SPART: variants seen among roughly 807,000 people sequenced by gnomAD.
The protein encoded by SPART is spartin.
Under a neutral mutation model 58.7 loss-of-function variants are expected in SPART, and 35 were observed. That is an observed-to-expected ratio of 0.60 (90% CI 0.46 to 0.79). The LOEUF (loss-of-function observed/expected upper bound fraction) is 0.79. Among genes scored for constraint, SPART ranks in the 30% least tolerant of loss-of-function variants. The pLI is 0.00. For synonymous variants in SPART, 284 were observed against 280.7 expected (o/e 1.01, Z -0.12); for missense variants, 730 against 786.1 (o/e 0.93, Z 0.85).
chr13:36,358,776 C>T (rs1191377270), intron 1 of SPART, among the ~76,000 whole-genome samples: 1 of 152,090 alleles, frequency 6.6e-6, no homozygotes, highest in Non-Finnish European at 1.5e-5. Flanking sequence ...TTTTAAGTAG[C>T]CCACACAAAC....
intron 1 of SPART, among the ~76,000 whole-genome samples, chr13:36,337,188 T>C (rs1307943202): frequency 2.0e-5 from 3 of 152,236 alleles, no homozygotes; most frequent in Non-Finnish European, 4.4e-5. Flanking sequence ...ATTACAGAGA[T>C]AAATAATTCA....
chr13:36,306,075 CTAATGT>C (rs1199020255), intron 8 of SPART, among the ~76,000 whole-genome samples: 1 of 152,144 alleles, frequency 6.6e-6, no homozygotes, highest in Non-Finnish European at 1.5e-5. Context: ...TGTCCTTTGC[CTAATGT>C]TAATAATTAT....
chr13:36,353,597 C>T (rs1326768446), intron 1 of SPART, among the ~76,000 whole-genome samples: 1 of 152,084 alleles, frequency 6.6e-6, no homozygotes, highest in East Asian at 1.9e-4. Flanking sequence ...GTATAAGGAA[C>T]TGGGCTTTGC....
chr13:36,353,899 G>C (rs1050935435), intron 1 of SPART, among the ~76,000 whole-genome samples: 1 of 152,096 alleles, frequency 6.6e-6, no homozygotes, highest in African/African-American at 2.4e-5. Context: ...ATGTTCAGTT[G>C]GTTAACTCCA....
At chr13:36,310,121 T>C (rs188350496) in intron 8 of SPART, among the ~76,000 whole-genome samples, 1 of 152,302 alleles carries the variant, frequency 6.6e-6, no homozygotes, top group East Asian at 1.9e-4. Context: ...GGTTTCCTCA[T>C]CTGCAAAATG....
chr13:36,317,125 C>G (rs9531797), intron 5 of SPART, among the ~76,000 whole-genome samples: 37,259 of 152,128 alleles, frequency 0.24, 4,951 homozygotes, highest in East Asian at 0.51. Flanking sequence ...TTCCCTTGAC[C>G]TTTAATCATT....
Position 36,331,537 on chromosome 13 carries a change from C to G in SPART, c.870G>C (p.Ala290=). The G allele has an allele frequency of 6.2e-7, 1 of 1,613,722 alleles. No individual in the cohort carries two copies. Among genetic ancestry groups the G allele is most frequent in the Non-Finnish European group, 8.5e-7 (1 of 1,179,952 alleles). The change falls in exon 3 of 9, where the codon GCG becomes GCC. Residue 290 remains alanine (A), a synonymous_variant. Transcript: ENST00000438666. ...PDRSPVLKCT[A]GAYMFPDTML... ...TTGTATCAGGAAACATGTAGGCTCC[C>G]GCAGTACATTTCAGAACCGGAGATC... is the stretch of plus-strand genomic sequence containing the variant.
At chr13:36,311,083 A>G (rs187865492) in intron 8 of SPART, among the ~76,000 whole-genome samples, 35 of 152,352 alleles carry the variant, frequency 2.3e-4, no homozygotes, top group African/African-American at 7.9e-4. Context: ...CTTAGTAGGA[A>G]TAAACTGGAC....
At chr13:36,308,523 A>G (rs1222422533) in intron 8 of SPART, 2 of 152,176 alleles carry the variant, frequency 1.3e-5, no homozygotes, top group Non-Finnish European at 2.9e-5. Context: ...AAAATATGCT[A>G]TTTATCATAT....
rs778454267 is a variant in SPART at position 36,304,579 on chromosome 13, T to C, written c.1787A>G (p.Asn596Ser). 19 of 1,614,138 alleles carry C rather than the reference T, an allele frequency of 1.2e-5. No individual in the cohort carries two copies. The highest frequency in any genetic ancestry group is 5.3e-5 in the African/African-American group (4 of 75,040). ...ATHHAVDSAV[N>S]VGVTAYNINN... ...AATATTGTAGGCAGTTACGCCAACA[T>C]TGACCGCAGAATCCACCGCATGGTG... The change falls in exon 9 of 9, where the codon AAT becomes AGT. Residue 596 changes from asparagine to serine, a missense_variant. Coordinates refer to ENST00000438666, the MANE Select transcript of SPART (RefSeq NM_015087.5).
At chr13:36,312,868 T>C (rs116494910) in intron 6 of SPART, among the ~76,000 whole-genome samples, 1,528 of 152,068 alleles carry the variant, frequency 0.01, 21 homozygotes, top group African/African-American at 0.034. Flanking sequence ...ACCTTTTCTA[T>C]CTGACTGTTG....
At chr13:36,326,534 T>C in intron 5 of SPART, 41 bp downstream of exon 5, 1 of 1,610,886 alleles carries the variant, frequency 6.2e-7, no homozygotes, top group Non-Finnish European at 8.5e-7. Flanking sequence ...TTCCAAAGGC[T>C]TAATGTCATA....
chr13:36,350,576 T>C (rs919085031), upstream of SPART, among the ~76,000 whole-genome samples: 5 of 152,234 alleles, frequency 3.3e-5, no homozygotes, highest in Admixed American at 6.5e-5. Context: ...ATAGGAATAA[T>C]TGGCTAAAAA....
At chr13:36,309,233 A>G (rs1320825456) in intron 8 of SPART, among the ~76,000 whole-genome samples, 3 of 146,186 alleles carry the variant, frequency 2.1e-5, no homozygotes, top group African/African-American at 5.0e-5. Flanking sequence ...GACAGAGTGA[A>G]ACTCCGTCTC....
chr13:36,342,439 AC>A (rs1283068223), intron 1 of SPART, among the ~76,000 whole-genome samples: 1 of 152,236 alleles, frequency 6.6e-6, no homozygotes, highest in East Asian at 1.9e-4. Context: ...CTGGCACTTA[AC>A]AAAAAAAGTT....
chr13:36,354,791 G>A (rs974029100), intron 1 of SPART, among the ~76,000 whole-genome samples: 3 of 152,204 alleles, frequency 2.0e-5, no homozygotes, highest in African/African-American at 7.2e-5. Flanking sequence ...GGAGACCCAT[G>A]ATTAATTCTC....
rs1881197356 is a variant in SPART, at chr13:36,312,246, A to C, written c.1643-11T>G. The C allele has an allele frequency of 6.2e-7, 1 of 1,613,906 alleles. No homozygotes were observed. The highest frequency in any genetic ancestry group is 8.5e-7 in the Non-Finnish European group (1 of 1,179,900). On this transcript the variant is annotated splice_polypyrimidine_tract_variant and intron_variant, in intron 7 of 8. Coordinates refer to ENST00000438666, the MANE Select transcript of SPART (RefSeq NM_015087.5). The stretch of plus-strand genomic sequence containing the variant: ...AGACAGTTGAAAATCCTGTAAAAAT[A>C]ATATTTAAAACGATGTAAATCTAGT...
At chr13:36,344,217 A>G (rs1227234250) in intron 1 of SPART, among the ~76,000 whole-genome samples, 2 of 152,216 alleles carry the variant, frequency 1.3e-5, no homozygotes, top group East Asian at 1.9e-4. Flanking sequence ...AATAGGTAGC[A>G]TTTGAAAGTA....
At chr13:36,359,971 T>C (rs1370751479) in intron 1 of SPART, among the ~76,000 whole-genome samples, 1 of 149,574 alleles carries the variant, frequency 6.7e-6, no homozygotes, top group East Asian at 1.9e-4. Flanking sequence ...AGATGCTGAA[T>C]TTTATTCTGC....
Sources: allele counts gnomAD v4.1 joint callset (sites outside exome capture counted in the v4.1 genomes callset), GRCh38; gene constraint gnomAD v4.1.1; transcripts MANE v1.5; gene names NCBI Gene and HGNC (gene_info 2026-07-23, HGNC 2026-07-21).